ARHGAP40: variants seen among roughly 807,000 people sequenced by gnomAD.
ARHGAP40 encodes Rho GTPase activating protein 40, also known as rho GTPase-activating protein 40.
Under a neutral mutation model 73.5 loss-of-function variants are expected in ARHGAP40, and 43 were observed. That is an observed-to-expected ratio of 0.58 (90% CI 0.46 to 0.75). The LOEUF (loss-of-function observed/expected upper bound fraction) is 0.75. Among genes scored for constraint, ARHGAP40 ranks in the 30% least tolerant of loss-of-function variants. The probability of loss-of-function intolerance (pLI) is 0.00; values close to 1 mark genes in which losing one functional copy is unlikely to be tolerated. For synonymous variants in ARHGAP40, 300 were observed against 352.8 expected (o/e 0.85, Z 1.68); for missense variants, 734 against 861.8 (o/e 0.85, Z 1.86).
chr20:38,638,045 C>T (rs571915279), intron 7 of ARHGAP40, among the ~76,000 whole-genome samples: 24 of 151,744 alleles, frequency 1.6e-4, no homozygotes, highest in East Asian at 9.7e-4. Flanking sequence ...CGCCGTGGCT[C>T]ACACCTGTAA....
intron 8 of ARHGAP40, 25 bp from the exon 9 acceptor site, chr20:38,639,202 G>A: frequency 7.7e-7 from 1 of 1,303,830 alleles, no homozygotes; most frequent in African/African-American, 1.5e-5. Flanking sequence ...GGCCAACTGT[G>A]TTTTCATGCC....
intron 9 of ARHGAP40, among the ~76,000 whole-genome samples, chr20:38,640,797 T>C (rs1601149313): frequency 1.3e-5 from 2 of 152,308 alleles, no homozygotes; most frequent in East Asian, 3.9e-4. Context: ...TTGGCTGCTT[T>C]CTGCCATTCA....
At chr20:38,634,542 G>A (rs1601145521) in intron 5 of ARHGAP40, 78 bp from the exon 6 acceptor site, 36 of 1,231,382 alleles carry the variant, frequency 2.9e-5, no homozygotes, top group Non-Finnish European at 3.7e-5. Flanking sequence ...TAAATGCCCT[G>A]GGGAGAAGGG....
At chr20:38,635,125 C>T (rs2088966386) in intron 6 of ARHGAP40, among the ~76,000 whole-genome samples, 1 of 152,078 alleles carries the variant, frequency 6.6e-6, no homozygotes, top group South Asian at 2.1e-4. Context: ...CGTGATCTGC[C>T]TGCCTCAGCC....
In ARHGAP40 at chr20:38,626,327, G is replaced by A. The variant is rs2088898635; in HGVS notation, c.338-668G>A. Among the ~76,000 whole-genome samples, 4 of 152,186 alleles carry A rather than the reference G, an allele frequency of 2.6e-5. No homozygotes were observed. The East Asian group carries it at 7.7e-4, about 29-fold the overall frequency. On this transcript the variant is annotated intron_variant, in intron 2 of 14. Coordinates refer to ENST00000373345, the Ensembl canonical transcript of ARHGAP40. ...GTCCATTTCCCCCATGATAAGGCCA[G>A]TGTTTCTCAAGTGTGGTCTGAAGAC...
chr20:38,636,418 A>G (rs771163837), intron 6 of ARHGAP40, among the ~76,000 whole-genome samples: 1 of 151,906 alleles, frequency 6.6e-6, no homozygotes, highest in Non-Finnish European at 1.5e-5. Context: ...ATGTGCCATC[A>G]TGCCCTGCTA....
intron 1 of ARHGAP40, among the ~76,000 whole-genome samples, chr20:38,619,207 A>C (rs915377433): frequency 3.9e-4 from 60 of 152,300 alleles, no homozygotes; most frequent in African/African-American, 1.2e-3. Context: ...GGTCAGTCCA[A>C]TGCCTTCGTA....
intron 6 of ARHGAP40, among the ~76,000 whole-genome samples, chr20:38,636,452 G>A (rs1335554268): frequency 6.6e-6 from 1 of 151,928 alleles, no homozygotes; most frequent in East Asian, 1.9e-4. Context: ...TTGTAGAGAT[G>A]CAGTATTTTT....
At chr20:38,628,459 C>T (rs1456348038) in intron 3 of ARHGAP40, among the ~76,000 whole-genome samples, 1 of 152,174 alleles carries the variant, frequency 6.6e-6, no homozygotes, top group Non-Finnish European at 1.5e-5. Context: ...CGCCCGCCAC[C>T]ATGCCCGGCT....
chr20:38,612,185 C>A (rs1377712474), intron 1 of ARHGAP40, among the ~76,000 whole-genome samples: 1 of 152,042 alleles, frequency 6.6e-6, no homozygotes, highest in South Asian at 2.1e-4. Context: ...TCTTCAAAAT[C>A]CAGTGTGTAT....
chr20:38,616,896 T>C (rs2088842954), intron 1 of ARHGAP40, among the ~76,000 whole-genome samples: 1 of 152,176 alleles, frequency 6.6e-6, no homozygotes, highest in African/African-American at 2.4e-5. Context: ...CAGCAAAGAA[T>C]CATCCTCCTG....
rs11482396 is a variant in ARHGAP40, at chr20:38,611,413, C to CTTTT, written c.137+9352_137+9355dup. Among the ~76,000 whole-genome samples the CTTTT allele has an allele frequency of 5.1e-5, 6 of 118,306 alleles. No homozygotes were observed. In the East Asian group the frequency reaches 7.7e-4, roughly 15 times the overall value. The allele number at this position is 118,306 out of a possible 152,430, so 77.6% of individuals were successfully genotyped here. A position where few individuals can be genotyped will look rare whatever the true frequency, so the allele number is the denominator to read the frequency against. ...TGGAGGGCACTAAGCCTATTTAAAA[C>CTTTT]TTTTTTTTTTTTTTTTTTTTTAGAA... On this transcript the variant is annotated intron_variant, in intron 1 of 14. Transcript: ENST00000373345.
At chr20:38,602,266 G>C (rs1381109075) in intron 1 of ARHGAP40, among the ~76,000 whole-genome samples, 187 bp downstream of exon 1, 1 of 152,220 alleles carries the variant, frequency 6.6e-6, no homozygotes, top group Admixed American at 6.5e-5. Flanking sequence ...CCTAGTCCAT[G>C]GGACTCCAAA....
rs2088847529 is a variant in ARHGAP40 at position 38,617,338 on chromosome 20, C to T, written c.138-6021C>T. ...TTACATGGGTTTCTGCAGCCCTGCC[C>T]TTGGGAAAGGCCTTTGCTCCACTGT... On this transcript the variant is annotated intron_variant, in intron 1 of 14. Coordinates refer to ENST00000373345, the Ensembl canonical transcript of ARHGAP40. Among the ~76,000 whole-genome samples, 6 of 152,350 alleles carry T rather than the reference C, an allele frequency of 3.9e-5. No individual in the cohort carries two copies. In the South Asian group the frequency reaches 1.2e-3, roughly 32 times the overall value.
intron 1 of ARHGAP40, among the ~76,000 whole-genome samples, chr20:38,605,884 T>C (rs1450166001): frequency 1.3e-5 from 2 of 151,920 alleles, no homozygotes; most frequent in Non-Finnish European, 2.9e-5. Flanking sequence ...GAAATCAACA[T>C]TATTCTTTTT....
At chr20:38,615,330 C>T (rs2088829115) in intron 1 of ARHGAP40, 3 of 770,912 alleles carry the variant, frequency 3.9e-6, no homozygotes, top group Non-Finnish European at 7.3e-6. Context: ...AGGTTAATTG[C>T]CAGCCACGGG....
Position 38,606,359 on chromosome 20 carries a change from C to T in ARHGAP40, c.137+4280C>T, listed in dbSNP as rs543203684. Among the ~76,000 whole-genome samples the T allele has an allele frequency of 6.6e-5, 10 of 152,166 alleles. No individual in the cohort carries two copies. In the South Asian group the frequency reaches 1.9e-3, roughly 28 times the overall value. On this transcript the variant is annotated intron_variant, in intron 1 of 14. Coordinates refer to ENST00000373345, the Ensembl canonical transcript of ARHGAP40. The stretch of plus-strand genomic sequence containing the variant: ...TTTTCAGAATAGGAATCATGGAGTC[C>T]AAAGGTGTATACATTTAAAATTCTG...
At chr20:38,628,782 G>A (rs1262810453) in intron 3 of ARHGAP40, 145 bp from the exon 4 acceptor site, 2 of 490,584 alleles carry the variant, frequency 4.1e-6, no homozygotes, top group Non-Finnish European at 6.8e-6. Flanking sequence ...GCAGCTGTGG[G>A]ACTTTGGGCA....
chr20:38,622,515 C>A (rs1443796612), intron 1 of ARHGAP40, among the ~76,000 whole-genome samples: 1 of 152,170 alleles, frequency 6.6e-6, no homozygotes, highest in Non-Finnish European at 1.5e-5. Context: ...CACTGTCTTA[C>A]CCTGAGATTC....
Sources: allele counts gnomAD v4.1 joint callset (sites outside exome capture counted in the v4.1 genomes callset), GRCh38; gene constraint gnomAD v4.1.1; transcripts MANE v1.5; gene names NCBI Gene and HGNC (gene_info 2026-07-23, HGNC 2026-07-21).